KIF18A: variants seen among roughly 807,000 people sequenced by gnomAD.
The protein encoded by KIF18A is kinesin family member 18A.
A neutral mutation model predicts 103.3 loss-of-function variants in KIF18A; 67 were observed. The observed-to-expected ratio is 0.65, with a 90% CI of 0.53 to 0.79. The LOEUF (loss-of-function observed/expected upper bound fraction) is 0.79. Among genes scored for constraint, KIF18A ranks in the 30% least tolerant of loss-of-function variants. The pLI, the probability that KIF18A is intolerant of heterozygous loss-of-function variation, is 0.00. For synonymous variants in KIF18A, 367 were observed against 355.5 expected (o/e 1.03, Z -0.36); for missense variants, 1,032 against 1,062.5 (o/e 0.97, Z 0.40).
intron 4 of KIF18A, 53 bp from the exon 5 acceptor site, chr11:28,090,780 A>G: frequency 2.4e-6 from 2 of 824,862 alleles, no homozygotes; most frequent in Non-Finnish European, 4.1e-6. Flanking sequence ...ATATCTTTAA[A>G]TTTTTCAATA....
chr11:28,053,557 G>C (rs1216452608), intron 13 of KIF18A, among the ~76,000 whole-genome samples: 1 of 152,050 alleles, frequency 6.6e-6, no homozygotes, highest in Non-Finnish European at 1.5e-5. Flanking sequence ...ACAACGTGCA[G>C]GTTAGTTACA....
At chr11:28,048,512 C>T (rs1025228211) in intron 13 of KIF18A, among the ~76,000 whole-genome samples, 2 of 151,938 alleles carry the variant, frequency 1.3e-5, no homozygotes, top group African/African-American at 4.8e-5. Context: ...ATAATAGATT[C>T]CACTGTTCTT....
Position 28,091,149 on chromosome 11 carries a change from A to C in KIF18A, c.588+260T>G, listed in dbSNP as rs4088691. 0.62 allele frequency among the ~76,000 whole-genome samples: 80,865 copies of C among 131,362 alleles called. 23,041 individuals carry two copies. Among genetic ancestry groups the C allele is most frequent in the East Asian group, 0.89 (4,307 of 4,832 alleles). The allele number at this position is 131,362 out of a possible 152,430, so 86.2% of individuals were successfully genotyped here. A position where few individuals can be genotyped will look rare whatever the true frequency, so the allele number is the denominator to read the frequency against. On this transcript the variant is annotated intron_variant, in intron 4 of 16. Coordinates refer to ENST00000263181, the MANE Select transcript of KIF18A (RefSeq NM_031217.4). ...AAATAAATAAATAAATAAATAAATA[A>C]ATACATACATACATACATACATACA...
At chr11:28,071,131 A>T (rs558583357) in intron 10 of KIF18A, among the ~76,000 whole-genome samples, 1 of 152,320 alleles carries the variant, frequency 6.6e-6, no homozygotes, top group Non-Finnish European at 1.5e-5. Flanking sequence ...GGGACCCCTA[A>T]GGATTCCTGA....
chr11:28,069,464 A>G, intron 10 of KIF18A, 41 bp from the exon 11 acceptor site: 1 of 1,572,336 alleles, frequency 6.4e-7, no homozygotes, highest in African/African-American at 1.4e-5. Flanking sequence ...AATTTTTATG[A>G]TATTTGATGT....
chr11:28,057,568 C>T lies in KIF18A; in HGVS notation c.1948+1358G>A, dbSNP rs182620244. 1.4e-4 allele frequency among the ~76,000 whole-genome samples: 22 copies of T among 151,988 alleles called. 1 individual carries two copies. Among genetic ancestry groups the T allele is most frequent in the Admixed American group, 1.2e-3 (19 of 15,242 alleles). On this transcript the variant is annotated intron_variant, in intron 13 of 16. Coordinates refer to ENST00000263181, the MANE Select transcript of KIF18A (RefSeq NM_031217.4). ...CAAAAAAGACTATGCATTATTATTG[C>T]TGTTGTTACTATTTTTGGTTTAGGT...
At chr11:28,090,766 C>A (rs1252471123) in intron 4 of KIF18A, 39 bp from the exon 5 acceptor site, 1 of 905,262 alleles carries the variant, frequency 1.1e-6, no homozygotes, top group African/African-American at 1.7e-5. Context: ...TAAAAATCAG[C>A]AATATATCTT....
intron 15 of KIF18A, among the ~76,000 whole-genome samples, chr11:28,029,549 T>C (rs1850368164): frequency 6.6e-6 from 1 of 152,100 alleles, no homozygotes; most frequent in Admixed American, 6.6e-5. Context: ...AAGAGCTATC[T>C]ATGACAAACC....
At chr11:28,074,169 T>C (rs1851059889) in intron 10 of KIF18A, among the ~76,000 whole-genome samples, 2 of 151,586 alleles carry the variant, frequency 1.3e-5, no homozygotes, top group South Asian at 2.1e-4. Flanking sequence ...AAAATAAACA[T>C]AAAAAATAAA....
At chr11:28,032,432 A>C (rs1850423270) in intron 15 of KIF18A, among the ~76,000 whole-genome samples, 1 of 151,970 alleles carries the variant, frequency 6.6e-6, no homozygotes, top group Non-Finnish European at 1.5e-5. Flanking sequence ...CAAAAAGATC[A>C]AAACTGGAGG....
intron 13 of KIF18A, among the ~76,000 whole-genome samples, chr11:28,042,476 T>C (rs1478529185): frequency 2.0e-5 from 3 of 151,998 alleles, no homozygotes. Flanking sequence ...TTTGTTAGTA[T>C]AGCATTCAGT....
At chr11:28,031,466 G>T (rs929786710) in intron 15 of KIF18A, among the ~76,000 whole-genome samples, 4 of 152,040 alleles carry the variant, frequency 2.6e-5, no homozygotes, top group African/African-American at 9.7e-5. Flanking sequence ...TCACTCATAG[G>T]TGGGAACTGA....
At chr11:28,048,590 C>T (rs983522476) in intron 13 of KIF18A, among the ~76,000 whole-genome samples, 2 of 151,906 alleles carry the variant, frequency 1.3e-5, no homozygotes, top group Non-Finnish European at 2.9e-5. Context: ...AAACTAAATA[C>T]TAATATAAGT....
At chr11:28,095,795 A>T (rs1851361148) in intron 2 of KIF18A, among the ~76,000 whole-genome samples, 1 of 152,040 alleles carries the variant, frequency 6.6e-6, no homozygotes, top group Admixed American at 6.6e-5. Context: ...GGACTGCTTG[A>T]GCCCAGGAGT....
At chr11:28,049,438 T>G (rs1214227316) in intron 13 of KIF18A, among the ~76,000 whole-genome samples, 2 of 152,034 alleles carry the variant, frequency 1.3e-5, no homozygotes, top group Non-Finnish European at 2.9e-5. Context: ...AGGAAGTAAT[T>G]TATCAAAAGT....
rs1217091424 is a variant in KIF18A, at chr11:28,062,447, G to A, written c.1660C>T (p.His554Tyr). The A allele has an allele frequency of 1.9e-6, 3 of 1,611,656 alleles. No homozygotes were observed. Among genetic ancestry groups the A allele is most frequent in the Non-Finnish European group, 2.5e-6 (3 of 1,178,524 alleles). Reference protein sequence around the residue: ...QNKDLKAQIRHMMDLACLQEQ... With the variant: ...QNKDLKAQIRYMMDLACLQEQ... The stretch of plus-strand genomic sequence containing the variant: ...TGAAGACAAGCTAGATCCATCATAT[G>A]TCTAATTTGTGCTTTCAAATCTTTG... Residue 554 changes from histidine to tyrosine, a missense_variant, in exon 12 of 17, where the codon CAT becomes TAT. Transcript: ENST00000263181.
At chr11:28,046,832 A>T (rs1417132627) in intron 13 of KIF18A, among the ~76,000 whole-genome samples, 1 of 151,102 alleles carries the variant, frequency 6.6e-6, no homozygotes. Context: ...TAGGTGGATC[A>T]CCGGAGGTCA....
At chr11:28,042,702 A>G (rs1442184580) in intron 13 of KIF18A, among the ~76,000 whole-genome samples, 1 of 151,946 alleles carries the variant, frequency 6.6e-6, no homozygotes, top group Admixed American at 6.6e-5. Context: ...CCATAGTACA[A>G]GGAGGCATTT....
At chr11:28,100,478 GA>G (rs1851430663) in intron 1 of KIF18A, among the ~76,000 whole-genome samples, 1 of 140,554 alleles carries the variant, frequency 7.1e-6, no homozygotes, top group Non-Finnish European at 1.5e-5. Flanking sequence ...CAGTAGTGGG[GA>G]AAAAACCCGA....
Sources: gnomAD v4.1 joint callset for allele counts (sites outside exome capture counted in the v4.1 genomes callset) on GRCh38, gnomAD v4.1.1 for gene constraint, MANE v1.5 for transcripts, NCBI Gene and HGNC (gene_info 2026-07-23, HGNC 2026-07-21) for gene names.